ASIC2: variants seen among roughly 807,000 people sequenced by gnomAD.
ASIC2 encodes acid-sensing ion channel 2.
A neutral mutation model predicts 57.3 loss-of-function variants in ASIC2; 25 were observed. That is an observed-to-expected ratio of 0.44 (90% CI 0.32 to 0.61). The LOEUF is 0.61. Ranked by LOEUF, ASIC2 falls within the 20% of genes least tolerant of loss-of-function variation. The pLI, the probability that ASIC2 is intolerant of heterozygous loss-of-function variation, is 0.06. For missense variants in ASIC2, 641 were observed against 738.1 expected, an observed-to-expected ratio of 0.87 and a Z score of 1.52; for synonymous variants, 319 against 307.5, an observed-to-expected ratio of 1.04 and a Z score of -0.39.
At chr17:33,695,218 A>G (rs1908488527) in intron 1 of ASIC2, among the ~76,000 whole-genome samples, 1 of 152,342 alleles carries the variant, frequency 6.6e-6, no homozygotes, top group East Asian at 1.9e-4. Flanking sequence ...GTAGATATCA[A>G]TTAAATACTC....
chr17:33,563,718 TCA>T (rs1179499590), intron 1 of ASIC2, among the ~76,000 whole-genome samples: 1 of 152,130 alleles, frequency 6.6e-6, no homozygotes, highest in Non-Finnish European at 1.5e-5. Flanking sequence ...GGAAATGATC[TCA>T]GAGACCATCT....
chr17:33,733,870 G>A (rs1252645641), intron 1 of ASIC2, among the ~76,000 whole-genome samples: 1 of 152,132 alleles, frequency 6.6e-6, no homozygotes, highest in Admixed American at 6.5e-5. Context: ...AGAGGATGCA[G>A]TTGGAGAAAA....
chr17:33,917,861 CA>C (rs1915617632), intron 1 of ASIC2, among the ~76,000 whole-genome samples: 1 of 146,942 alleles, frequency 6.8e-6, no homozygotes, highest in East Asian at 2.4e-4. Flanking sequence ...CCGGTACACA[CA>C]CACACACACA....
intron 3 of ASIC2, among the ~76,000 whole-genome samples, chr17:33,031,720 G>A (rs2091884424): frequency 6.6e-6 from 1 of 152,082 alleles, no homozygotes; most frequent in Non-Finnish European, 1.5e-5. Context: ...CTATGACTAT[G>A]GACTTGTCTG....
intron 1 of ASIC2, among the ~76,000 whole-genome samples, chr17:33,126,856 CTTTTTTTTTTT>C (rs1159710708): frequency 2.3e-5 from 2 of 85,326 alleles, no homozygotes; most frequent in African/African-American, 4.8e-5. Flanking sequence ...TACCATTACT[CTTTTTTTTTTT>C]TTTTTTTTTT....
intron 3 of ASIC2, among the ~76,000 whole-genome samples, chr17:33,079,211 G>T (rs979446586): frequency 1.3e-5 from 2 of 152,198 alleles, no homozygotes; most frequent in East Asian, 1.9e-4. Context: ...TATCCCCAAA[G>T]AATTCCCAGT....
intron 1 of ASIC2, among the ~76,000 whole-genome samples, chr17:34,096,162 C>A (rs553873378): frequency 6.6e-6 from 1 of 152,270 alleles, no homozygotes; most frequent in Admixed American, 6.5e-5. Flanking sequence ...CCAGCCCTAA[C>A]AAACACACAG....
At chr17:33,995,378 G>C (rs1906124666) in intron 1 of ASIC2, among the ~76,000 whole-genome samples, 1 of 152,046 alleles carries the variant, frequency 6.6e-6, no homozygotes, top group South Asian at 2.1e-4. Flanking sequence ...AGTCTCCCCT[G>C]TCCATCCTTT....
chr17:33,014,894 C>G (rs112079321), intron 9 of ASIC2, among the ~76,000 whole-genome samples: 66 of 152,174 alleles, frequency 4.3e-4, no homozygotes, highest in Middle Eastern at 3.4e-3. Flanking sequence ...TCACTGAACT[C>G]GGATGACAGC....
intron 1 of ASIC2, among the ~76,000 whole-genome samples, chr17:34,101,023 T>C (rs1345423670): frequency 1.3e-5 from 2 of 152,244 alleles, no homozygotes; most frequent in East Asian, 3.8e-4. Context: ...TCATAGAGTT[T>C]CTGTTAGGAT....
At chr17:33,973,779 G>A (rs745814471) in intron 1 of ASIC2, among the ~76,000 whole-genome samples, 1 of 147,068 alleles carries the variant, frequency 6.8e-6, no homozygotes, top group Non-Finnish European at 1.5e-5. Context: ...TTGCAAACAG[G>A]TTCTCCTCTG....
chr17:33,923,651 G>A (rs1236546163), intron 1 of ASIC2, among the ~76,000 whole-genome samples: 2 of 152,194 alleles, frequency 1.3e-5, no homozygotes, highest in African/African-American at 4.8e-5. Context: ...GTGGGGCCGG[G>A]GAGTGGGGCT....
At chr17:33,866,718 A>G (rs995627906) in intron 1 of ASIC2, among the ~76,000 whole-genome samples, 1 of 152,184 alleles carries the variant, frequency 6.6e-6, no homozygotes, top group African/African-American at 2.4e-5. Flanking sequence ...TGATCTCTAT[A>G]TGTCAGGCAA....
At chr17:33,530,850 A>G (rs1245393598) in intron 1 of ASIC2, among the ~76,000 whole-genome samples, 1 of 152,190 alleles carries the variant, frequency 6.6e-6, no homozygotes, top group Non-Finnish European at 1.5e-5. Flanking sequence ...CATTTAACAA[A>G]AGGTTTTCGA....
chr17:33,809,527 T>G (rs547903622), intron 1 of ASIC2, among the ~76,000 whole-genome samples: 2 of 152,298 alleles, frequency 1.3e-5, no homozygotes, highest in East Asian at 3.9e-4. Context: ...GATATGAAAA[T>G]GGAATGAGCA....
chr17:33,353,754 A>G (rs777996701), intron 1 of ASIC2, among the ~76,000 whole-genome samples: 2 of 152,062 alleles, frequency 1.3e-5, no homozygotes, highest in Non-Finnish European at 2.9e-5. Flanking sequence ...CATTTTTATG[A>G]TCCTCAGTTC....
At chr17:33,143,747 C>T (rs4580239) in intron 1 of ASIC2, among the ~76,000 whole-genome samples, 2 of 131,242 alleles carry the variant, frequency 1.5e-5, no homozygotes, top group African/African-American at 2.8e-5. Flanking sequence ...TCCAAAAAAA[C>T]CCCCATAAAA....
intron 1 of ASIC2, chr17:34,039,249 G>T (rs1908006106): frequency 1.2e-6 from 2 of 1,613,926 alleles, no homozygotes; most frequent in African/African-American, 1.3e-5. Context: ...GGTCGGACTG[G>T]GTCTGTCTGT....
chr17:33,826,618 A>G (rs1011726699), intron 1 of ASIC2, among the ~76,000 whole-genome samples: 2 of 152,174 alleles, frequency 1.3e-5, no homozygotes. Flanking sequence ...AGAGCTAGGG[A>G]AGGACTGGAA....
Sources: allele counts gnomAD v4.1 joint callset (sites outside exome capture counted in the v4.1 genomes callset), GRCh38; gene constraint gnomAD v4.1.1; transcripts MANE v1.5; gene names NCBI Gene and HGNC (gene_info 2026-07-23, HGNC 2026-07-21).